The following SLC39A10 variants were observed in gnomAD, a reference collection of about 807,000 sequenced individuals.
SLC39A10 encodes zinc transporter ZIP10.
A neutral mutation model predicts 65.1 loss-of-function variants in SLC39A10; 13 were observed. The observed-to-expected ratio is 0.20, with a 90% CI of 0.13 to 0.32. The LOEUF is 0.32. Ranked by LOEUF, SLC39A10 falls within the 10% of genes least tolerant of loss-of-function variation. The pLI, the probability that SLC39A10 is intolerant of heterozygous loss-of-function variation, is 1.00. For synonymous variants in SLC39A10, 321 were observed against 342.2 expected, an observed-to-expected ratio of 0.94 and a Z score of 0.68; for missense variants, 831 against 1,018.4, an observed-to-expected ratio of 0.82 and a Z score of 2.50.
chr2:195,667,005 T>C (rs113782089), intron 1 of SLC39A10, among the ~76,000 whole-genome samples: 156 of 152,348 alleles, frequency 1.0e-3, no homozygotes, highest in African/African-American at 3.8e-3. Context: ...AATGTAGGTT[T>C]GTACATGAAT....
intron 2 of SLC39A10, among the ~76,000 whole-genome samples, chr2:195,638,701 A>AC (rs1688742640): frequency 6.6e-6 from 1 of 150,942 alleles, no homozygotes; most frequent in African/African-American, 2.4e-5. Context: ...GTTTCTATAT[A>AC]CCCCCCATCC....
intron 2 of SLC39A10, among the ~76,000 whole-genome samples, chr2:195,642,622 A>C (rs1688834157): frequency 6.6e-6 from 1 of 152,248 alleles, no homozygotes; most frequent in Non-Finnish European, 1.5e-5. Context: ...TAGATTAAAC[A>C]GTATTTCTCA....
upstream of SLC39A10, among the ~76,000 whole-genome samples, chr2:195,652,346 G>A (rs1286825226): frequency 1.3e-5 from 2 of 151,974 alleles, no homozygotes; most frequent in Non-Finnish European, 2.9e-5. Context: ...TCAGGAGTTT[G>A]AAAACAGCCT....
rs1692684166 is a variant in SLC39A10 at position 195,737,445 on chromosome 2, TAG to T, written c.*2406_*2407del. ...TTATGCTTAGAAATACTATAGTAACTAGATGCAGTGTGAATTTTTTCCATTAA... is the reference window on the plus strand; with the variant it reads ...TTATGCTTAGAAATACTATAGTAACTATGCAGTGTGAATTTTTTCCATTAA... On this transcript the variant is annotated 3_prime_UTR_variant, in exon 10 of 10. Transcript: ENST00000359634. The T allele has an allele frequency of 6.2e-6, 1 of 162,474 alleles. No homozygotes were observed. The highest frequency in any genetic ancestry group is 2.4e-5 in the African/African-American group (1 of 41,374). The allele number at this position is 162,474 out of a possible 1,614,324, so 10.1% of individuals were successfully genotyped here.
chr2:195,732,870 A>G (rs546067487), intron 9 of SLC39A10, among the ~76,000 whole-genome samples: 19 of 152,094 alleles, frequency 1.2e-4, no homozygotes, highest in South Asian at 4.1e-4. Flanking sequence ...GTGTAAATGA[A>G]TAGGCATGGC....
chr2:195,687,326 T>C (rs550332526), intron 3 of SLC39A10, among the ~76,000 whole-genome samples: 25 of 118,596 alleles, frequency 2.1e-4, no homozygotes, highest in Non-Finnish European at 4.0e-4. Context: ...TTTTTTCTTA[T>C]TTTGAAGGCT....
chr2:195,642,588 T>C (rs1688833604), intron 2 of SLC39A10, among the ~76,000 whole-genome samples: 1 of 152,238 alleles, frequency 6.6e-6, no homozygotes, highest in Admixed American at 6.5e-5. Context: ...AGCCCTGGGA[T>C]TGGATAAAAT....
chr2:195,707,904 G>A (rs1045201603), intron 4 of SLC39A10, among the ~76,000 whole-genome samples: 4 of 152,088 alleles, frequency 2.6e-5, no homozygotes, highest in African/African-American at 4.8e-5. Context: ...AGATACCTAA[G>A]TGCAGTTATC....
intron 2 of SLC39A10, among the ~76,000 whole-genome samples, chr2:195,617,839 A>C (rs1027740253): frequency 6.6e-6 from 1 of 151,242 alleles, no homozygotes; most frequent in Non-Finnish European, 1.5e-5. Context: ...TCCTAGGGTC[A>C]CGCCATTCTC....
rs1321183171 is a variant in SLC39A10, at chr2:195,706,641, C to T, written c.1242C>T (p.Ile414=). Residue 414 remains isoleucine (I), a synonymous_variant, in exon 4 of 10, where the codon ATC becomes ATT. Coordinates refer to ENST00000359634, the MANE Select transcript of SLC39A10 (RefSeq NM_020342.3). ...CCTGGATTTGTGGTATCATTTCTATCACTGTCATTAGCCTGCTTTCCTTGC... is the reference window on the plus strand; with the variant it reads ...CCTGGATTTGTGGTATCATTTCTATTACTGTCATTAGCCTGCTTTCCTTGC... ...ASAWICGIIS[I]TVISLLSLLG... 2 of 1,611,726 alleles carry T rather than the reference C, an allele frequency of 1.2e-6. No homozygotes were observed. The highest frequency in any genetic ancestry group is 2.7e-5 in the African/African-American group (2 of 74,642).
intron 1 of SLC39A10, among the ~76,000 whole-genome samples, chr2:195,663,721 GAA>G (rs1359654508): frequency 6.8e-6 from 1 of 147,244 alleles, no homozygotes; most frequent in African/African-American, 2.5e-5. Context: ...AGAAATAAGA[GAA>G]AAGTAAATTG....
At chr2:195,631,825 G>A (rs1031809572) in intron 2 of SLC39A10, among the ~76,000 whole-genome samples, 1 of 152,100 alleles carries the variant, frequency 6.6e-6, no homozygotes, top group Non-Finnish European at 1.5e-5. Flanking sequence ...TACCATGACT[G>A]TAACTCTTTG....
At chr2:195,703,099 T>TA (rs1488588587) in intron 3 of SLC39A10, among the ~76,000 whole-genome samples, 1 of 152,202 alleles carries the variant, frequency 6.6e-6, no homozygotes, top group Admixed American at 6.5e-5. Context: ...TACCAAAACT[T>TA]ACTTGATTAT....
rs138350086 is a variant in SLC39A10 at position 195,684,133 on chromosome 2, T to C, written c.1216+227T>C. Among the ~76,000 whole-genome samples the C allele has an allele frequency of 5.3e-3, 805 of 152,186 alleles. 3 individuals carry two copies. Among genetic ancestry groups the C allele is most frequent in the Non-Finnish European group, 9.7e-3 (659 of 67,928 alleles). On this transcript the variant is annotated intron_variant, in intron 3 of 9. Transcript: ENST00000359634. ...GGTATATTACAAAGGGATATTTTGCTATGGACGGAGAACTAGATTAAAAAT... is the reference window on the plus strand; with the variant it reads ...GGTATATTACAAAGGGATATTTTGCCATGGACGGAGAACTAGATTAAAAAT...
chr2:195,704,796 GTTGT>G (rs74489299), intron 3 of SLC39A10, among the ~76,000 whole-genome samples: 4 of 151,386 alleles, frequency 2.6e-5, no homozygotes, highest in African/African-American at 7.3e-5. Context: ...TTTTGTTGTT[GTTGT>G]TTGTTTGTTT....
At chr2:195,702,748 A>G (rs1234565133) in intron 3 of SLC39A10, among the ~76,000 whole-genome samples, 1 of 152,204 alleles carries the variant, frequency 6.6e-6, no homozygotes, top group African/African-American at 2.4e-5. Context: ...TCTCTTGTCT[A>G]CAGCTGATCT....
intron 3 of SLC39A10, among the ~76,000 whole-genome samples, chr2:195,696,989 TAAC>T (rs1314982947): frequency 6.6e-6 from 1 of 152,190 alleles, no homozygotes; most frequent in Non-Finnish European, 1.5e-5. Context: ...TTATTCATAT[TAAC>T]TATTCATTAA....
chr2:195,626,071 A>G (rs573756882), intron 2 of SLC39A10, among the ~76,000 whole-genome samples: 3 of 152,342 alleles, frequency 2.0e-5, no homozygotes, highest in African/African-American at 7.2e-5. Flanking sequence ...GAAGTGAGCC[A>G]CTGTGCCTGG....
intron 8 of SLC39A10, among the ~76,000 whole-genome samples, chr2:195,721,613 A>ACTATCACATACTGCTGTTGGT (rs1692043811): frequency 1.3e-5 from 2 of 151,196 alleles, no homozygotes; most frequent in African/African-American, 4.9e-5. Flanking sequence ...CTCTTCTCTA[A>ACTATCACATACTGCTGTTGGT]CTATCACATA....
Sources: allele counts gnomAD v4.1 joint callset (sites outside exome capture counted in the v4.1 genomes callset), GRCh38; gene constraint gnomAD v4.1.1; transcripts MANE v1.5; gene names NCBI Gene and HGNC (gene_info 2026-07-23, HGNC 2026-07-21).